Variants in NFIA observed in about 807,000 individuals in gnomAD.
The protein encoded by NFIA is nuclear factor 1 A-type.
NFIA carries 8 observed loss-of-function variants against 62.8 expected under a neutral mutation model. The observed-to-expected ratio is 0.13, with a 90% CI of 0.07 to 0.23. NFIA has a LOEUF of 0.23. Among genes scored for constraint, NFIA ranks in the 10% least tolerant of loss-of-function variants. The pLI, the probability that NFIA is intolerant of heterozygous loss-of-function variation, is 1.00. For synonymous variants in NFIA, 235 were observed against 238.1 expected (o/e 0.99, Z 0.12); for missense variants, 410 against 642.1 (o/e 0.64, Z 3.91).
At position 61,406,694 on chromosome 1, in the gene NFIA, A is replaced by G; in HGVS notation, c.1387A>G (p.Thr463Ala). Residue 463 changes from threonine to alanine, a missense_variant, in exon 9 of 11, where the codon ACA (threonine) becomes GCA (alanine). Thr to Ala is a moderately conservative substitution (Grantham distance 58). This residue lies in a region of NFIA where 298 missense variants were observed against 438.1 expected (regional missense o/e 0.68). Transcript: ENST00000403491. ...VPDTKPPTTSTEGGAASPTSP... is the reference protein window; with the variant it reads ...VPDTKPPTTSAEGGAASPTSP... ...AGACACAAAGCCTCCAACCACGTCA[A>G]CAGAAGGAGGTGCAGCCTCCCCCAC... 7 of 1,612,736 alleles carry G rather than the reference A, an allele frequency of 4.3e-6. No individual in the cohort carries two copies. The highest frequency in any genetic ancestry group is 5.1e-6 in the Non-Finnish European group (6 of 1,179,424).
At chr1:61,267,639 C>T (rs548781594) in intron 2 of NFIA, among the ~76,000 whole-genome samples, 3 of 152,330 alleles carry the variant, frequency 2.0e-5, no homozygotes, top group South Asian at 4.1e-4. Flanking sequence ...CTAACCCTAA[C>T]CACTACCACC....
At chr1:61,142,076 T>C (rs566892573) in intron 2 of NFIA, among the ~76,000 whole-genome samples, 1 of 152,198 alleles carries the variant, frequency 6.6e-6, no homozygotes, top group East Asian at 1.9e-4. Flanking sequence ...CTTAGTGAGT[T>C]TTTTTTCCTT....
chr1:61,357,617 G>A (rs1198750503), intron 5 of NFIA, among the ~76,000 whole-genome samples: 2 of 152,004 alleles, frequency 1.3e-5, no homozygotes, highest in African/African-American at 2.4e-5. Flanking sequence ...TCTCCATTGT[G>A]TGACCCACTG....
At chr1:61,401,871 A>G (rs1004822285) in intron 7 of NFIA, among the ~76,000 whole-genome samples, 3 of 152,140 alleles carry the variant, frequency 2.0e-5, no homozygotes, top group Admixed American at 6.5e-5. Context: ...ACCATGTTGG[A>G]TGAAAAAATT....
intron 2 of NFIA, among the ~76,000 whole-genome samples, chr1:61,113,814 C>T (rs1159672232): frequency 2.0e-5 from 3 of 151,982 alleles, no homozygotes; most frequent in African/African-American, 7.3e-5. Context: ...GACATATGCA[C>T]GATTTGTCCT....
At chr1:61,402,532 A>T (rs765712603) in intron 7 of NFIA, among the ~76,000 whole-genome samples, 1 of 152,202 alleles carries the variant, frequency 6.6e-6, no homozygotes, top group Non-Finnish European at 1.5e-5. Context: ...CAGTGGGTTG[A>T]AAAGGTATTT....
At chr1:61,239,743 T>A (rs1052661438) in intron 2 of NFIA, among the ~76,000 whole-genome samples, 1 of 152,154 alleles carries the variant, frequency 6.6e-6, no homozygotes, top group Non-Finnish European at 1.5e-5. Flanking sequence ...TGTCAAATAT[T>A]TGAACAATAA....
chr1:61,301,316 G>A (rs575307334), intron 3 of NFIA, among the ~76,000 whole-genome samples: 1 of 152,294 alleles, frequency 6.6e-6, no homozygotes, highest in South Asian at 2.1e-4. Context: ...AAAGTAACTT[G>A]CTGCCAATCC....
chr1:61,114,904 G>A (rs1348591892), intron 2 of NFIA, among the ~76,000 whole-genome samples: 1 of 152,120 alleles, frequency 6.6e-6, no homozygotes, highest in African/African-American at 2.4e-5. Context: ...ACAGGAAGCT[G>A]GAATACACTG....
intron 3 of NFIA, among the ~76,000 whole-genome samples, chr1:61,284,738 T>A (rs185123859): frequency 2.0e-5 from 3 of 152,228 alleles, no homozygotes; most frequent in East Asian, 3.9e-4. Context: ...GATTTTCAGG[T>A]TCTAAAATGG....
At chr1:61,218,859 A>G (rs1653821636) in intron 2 of NFIA, among the ~76,000 whole-genome samples, 1 of 152,230 alleles carries the variant, frequency 6.6e-6, no homozygotes, top group East Asian at 1.9e-4. Context: ...ATGACTGTGT[A>G]CTTATAGATC....
At chr1:61,294,983 C>T (rs1278026764) in intron 3 of NFIA, among the ~76,000 whole-genome samples, 4 of 152,154 alleles carry the variant, frequency 2.6e-5, no homozygotes, top group African/African-American at 9.7e-5. Context: ...TACTCTGGTA[C>T]CTGGAGGCCC....
chr1:61,257,094 G>T (rs1327134188), intron 2 of NFIA, among the ~76,000 whole-genome samples: 1 of 152,036 alleles, frequency 6.6e-6, no homozygotes, highest in Non-Finnish European at 1.5e-5. Flanking sequence ...TTTTATTTAT[G>T]TTTTTCAAGA....
rs554776962 is a variant in NFIA, at chr1:61,247,663, G to A, written c.560-29857G>A. On this transcript the variant is annotated intron_variant, in intron 2 of 10. Transcript: ENST00000403491. ...TGCCCTCGGGCCGTTGCTGACATCT[G>A]GTCACCACTCCTGTTTTGCTGGCTT... Among the ~76,000 whole-genome samples the A allele has an allele frequency of 1.9e-4, 29 of 152,212 alleles. No homozygotes were observed. The South Asian group carries it at 4.8e-3, about 25-fold the overall frequency.
intron 2 of NFIA, among the ~76,000 whole-genome samples, chr1:61,205,540 A>G (rs756627745): frequency 1.2e-4 from 19 of 152,128 alleles, no homozygotes; most frequent in Non-Finnish European, 2.4e-4. Flanking sequence ...TTTATGCTGG[A>G]GGTTGCAATT....
intron 3 of NFIA, among the ~76,000 whole-genome samples, chr1:61,314,298 C>T (rs1660261039): frequency 6.6e-6 from 1 of 152,114 alleles, no homozygotes; most frequent in African/African-American, 2.4e-5. Context: ...CCTGCCTCCC[C>T]TACTGGACTG....
At chr1:61,349,751 T>TA (rs869147916) in intron 4 of NFIA, among the ~76,000 whole-genome samples, 2 of 151,950 alleles carry the variant, frequency 1.3e-5, no homozygotes, top group Admixed American at 1.3e-4. Context: ...ATTTAATTTT[T>TA]AAAAAAAATA....
intron 2 of NFIA, among the ~76,000 whole-genome samples, chr1:61,189,214 G>A (rs1466903236): frequency 6.6e-6 from 1 of 152,188 alleles, no homozygotes; most frequent in Admixed American, 6.5e-5. Context: ...CAGAAGCTAA[G>A]CAGACAAGGA....
chr1:61,348,973 G>A (rs1662399608), intron 4 of NFIA, among the ~76,000 whole-genome samples: 1 of 152,176 alleles, frequency 6.6e-6, no homozygotes, highest in African/African-American at 2.4e-5. Flanking sequence ...TTAATGAGAG[G>A]TGTGAATCTC....
Sources: gnomAD v4.1 joint callset for allele counts (sites outside exome capture counted in the v4.1 genomes callset) on GRCh38, gnomAD v4.1.1 for gene constraint, gnomAD v4.1.1 regional missense constraint, MANE v1.5 for transcripts, NCBI Gene and HGNC (gene_info 2026-07-23, HGNC 2026-07-21) for gene names.